Variants in ROBO2 observed in about 807,000 individuals in gnomAD.
The protein encoded by ROBO2 is roundabout guidance receptor 2.
Under a neutral mutation model 160.8 loss-of-function variants are expected in ROBO2, and 53 were observed. The observed-to-expected ratio is 0.33, with a 90% CI of 0.26 to 0.41. ROBO2 has a LOEUF of 0.41. Ranked by LOEUF, ROBO2 falls within the 10% of genes least tolerant of loss-of-function variation. The pLI is 1.00. For missense variants in ROBO2, 1,577 were observed against 1,722.4 expected (o/e 0.92, Z 1.49); for synonymous variants, 664 against 611.7 (o/e 1.09, Z -1.26).
chr3:75,914,506 T>C (rs1277129366), intron 1 of ROBO2, among the ~76,000 whole-genome samples: 1 of 152,206 alleles, frequency 6.6e-6, no homozygotes, highest in Non-Finnish European at 1.5e-5. Flanking sequence ...TCTTTTAATA[T>C]TGTAACATTT....
chr3:76,939,811 C>T (rs544516743), intron 2 of ROBO2, among the ~76,000 whole-genome samples: 1 of 152,008 alleles, frequency 6.6e-6, no homozygotes, highest in African/African-American at 2.4e-5. Flanking sequence ...ATCAATCAAT[C>T]CCCTCTTCTC....
intron 2 of ROBO2, among the ~76,000 whole-genome samples, chr3:76,689,274 C>A (rs1436477198): frequency 1.3e-5 from 2 of 151,992 alleles, no homozygotes; most frequent in African/African-American, 2.4e-5. Flanking sequence ...TATTCTGCAA[C>A]TGGTACTGGG....
intron 2 of ROBO2, among the ~76,000 whole-genome samples, chr3:75,972,492 A>ATGTTTG (rs1250652512): frequency 6.6e-6 from 1 of 151,672 alleles, no homozygotes; most frequent in Non-Finnish European, 1.5e-5. Context: ...AAGAAAAATT[A>ATGTTTG]TGTTTGTGCT....
In ROBO2 at chr3:76,148,503, G is replaced by C. The variant is rs530279066; in HGVS notation, c.109+210901G>C. Among the ~76,000 whole-genome samples the C allele has an allele frequency of 2.1e-4, 32 of 152,048 alleles. No homozygotes were observed. The South Asian group carries it at 6.0e-3, about 29-fold the overall frequency. On this transcript the variant is annotated intron_variant, in intron 2 of 26. Transcript: ENST00000487694. ...TTTCATTACAGTCCTCCATTCGTCTGCTCCCTTTTATAGCAAAATTTATCC... is the reference window on the plus strand; with the variant it reads ...TTTCATTACAGTCCTCCATTCGTCTCCTCCCTTTTATAGCAAAATTTATCC...
chr3:75,927,465 G>T (rs992805732), intron 1 of ROBO2, among the ~76,000 whole-genome samples: 2 of 152,104 alleles, frequency 1.3e-5, no homozygotes, highest in African/African-American at 4.8e-5. Flanking sequence ...ACTATTACAA[G>T]GTAGTTTACC....
At chr3:76,785,585 A>T (rs1277857684) in intron 2 of ROBO2, among the ~76,000 whole-genome samples, 2 of 151,244 alleles carry the variant, frequency 1.3e-5, no homozygotes, top group African/African-American at 4.8e-5. Flanking sequence ...AGTTAACTTT[A>T]AATAAATATT....
At chr3:76,762,279 ATAT>A (rs1019592945) in intron 2 of ROBO2, among the ~76,000 whole-genome samples, 19 of 151,768 alleles carry the variant, frequency 1.3e-4, no homozygotes, top group Admixed American at 4.6e-4. Flanking sequence ...TGCAAGAATA[ATAT>A]TATACGACTT....
At chr3:76,989,498 TA>T (rs938387081) in intron 2 of ROBO2, among the ~76,000 whole-genome samples, 8 of 152,018 alleles carry the variant, frequency 5.3e-5, no homozygotes, top group African/African-American at 1.9e-4. Flanking sequence ...CTTCTAAGTT[TA>T]AAAAACATTT....
At chr3:75,932,088 G>C (rs1947569093) in intron 1 of ROBO2, among the ~76,000 whole-genome samples, 1 of 152,078 alleles carries the variant, frequency 6.6e-6, no homozygotes, top group Non-Finnish European at 1.5e-5. Context: ...GCTTAACTTT[G>C]AGTTCACTTG....
intron 2 of ROBO2, among the ~76,000 whole-genome samples, chr3:76,189,754 TGCTTATGGTATGCCAG>T (rs1209145384): frequency 6.6e-6 from 1 of 152,102 alleles, no homozygotes; most frequent in Non-Finnish European, 1.5e-5. Flanking sequence ...TTTAACTGAG[TGCTTATGGTATGCCAG>T]GCTCTCTGCT....
At chr3:76,234,773 T>G (rs1272652572) in intron 2 of ROBO2, among the ~76,000 whole-genome samples, 1 of 152,232 alleles carries the variant, frequency 6.6e-6, no homozygotes, top group Non-Finnish European at 1.5e-5. Context: ...TTGAACTTCC[T>G]TGGCACAAGT....
intron 21 of ROBO2, among the ~76,000 whole-genome samples, chr3:77,616,107 C>A (rs1013467902): frequency 3.3e-5 from 5 of 152,022 alleles, no homozygotes; most frequent in African/African-American, 1.2e-4. Context: ...ATGAGGAGTA[C>A]CACAATATAA....
At chr3:76,625,960 C>T (rs1447114989) in intron 2 of ROBO2, among the ~76,000 whole-genome samples, 7 of 152,110 alleles carry the variant, frequency 4.6e-5, no homozygotes, top group African/African-American at 1.7e-4. Flanking sequence ...GATCCAGTGA[C>T]ATGATCCAGG....
At chr3:77,135,078 T>C (rs2076168817) in intron 2 of ROBO2, among the ~76,000 whole-genome samples, 1 of 152,140 alleles carries the variant, frequency 6.6e-6, no homozygotes, top group Non-Finnish European at 1.5e-5. Flanking sequence ...AGTGTTTCCG[T>C]AGATCAGCCT....
intron 2 of ROBO2, among the ~76,000 whole-genome samples, chr3:77,354,893 A>C (rs2068845096): frequency 6.6e-6 from 1 of 152,206 alleles, no homozygotes. Context: ...AAACCATAAT[A>C]AGACGTTGCA....
chr3:76,150,309 C>CACACATCATCTGTCTAAA (rs2072122955), intron 2 of ROBO2, among the ~76,000 whole-genome samples: 1 of 151,078 alleles, frequency 6.6e-6, no homozygotes, highest in Non-Finnish European at 1.5e-5. Flanking sequence ...CTGTCTAAAG[C>CACACATCATCTGTCTAAA]ACACATCATC....
intron 2 of ROBO2, among the ~76,000 whole-genome samples, chr3:75,962,030 G>A (rs1576309835): frequency 6.6e-6 from 1 of 151,494 alleles, no homozygotes; most frequent in African/African-American, 2.4e-5. Context: ...AGACATTAAA[G>A]TAGTATATTG....
At chr3:77,522,937 A>G (rs767980531) in intron 6 of ROBO2, 35 bp downstream of exon 6, 2 of 1,607,026 alleles carry the variant, frequency 1.2e-6, no homozygotes, top group Non-Finnish European at 1.7e-6. Flanking sequence ...TAATTGAACC[A>G]GGAGACTAAT....
At chr3:76,585,983 C>T (rs769889802) in intron 2 of ROBO2, among the ~76,000 whole-genome samples, 4 of 152,158 alleles carry the variant, frequency 2.6e-5, no homozygotes, top group Non-Finnish European at 5.9e-5. Flanking sequence ...CTGAGGCTCC[C>T]CCTAGTGTCC....
Sources: gnomAD v4.1 joint callset for allele counts (sites outside exome capture counted in the v4.1 genomes callset) on GRCh38, gnomAD v4.1.1 for gene constraint, MANE v1.5 for transcripts, NCBI Gene and HGNC (gene_info 2026-07-23, HGNC 2026-07-21) for gene names.